Variants in RGS7 observed in about 807,000 individuals in gnomAD.
RGS7 encodes the protein regulator of G-protein signaling 7.
In RGS7, 27 loss-of-function variants were observed where a neutral mutation model predicts 81.1. The observed-to-expected ratio is 0.33, with a 90% confidence interval of 0.25 to 0.46. RGS7 has a LOEUF of 0.46. Among genes scored for constraint, RGS7 ranks in the 20% least tolerant of loss-of-function variants. RGS7 has a pLI of 1.00. For synonymous variants in RGS7, 208 were observed against 207.7 expected, an observed-to-expected ratio of 1.00 and a Z score of -0.01; for missense variants, 396 against 607.4, an observed-to-expected ratio of 0.65 and a Z score of 3.66.
intron 9 of RGS7, among the ~76,000 whole-genome samples, chr1:240,838,454 T>C (rs75394820): frequency 1.4e-3 from 209 of 152,294 alleles, no homozygotes; most frequent in African/African-American, 4.8e-3. Flanking sequence ...AGAAAGGCCA[T>C]AACACATACC....
At chr1:240,971,138 T>C (rs904311239) in intron 4 of RGS7, among the ~76,000 whole-genome samples, 19 of 152,170 alleles carry the variant, frequency 1.2e-4, no homozygotes, top group African/African-American at 4.6e-4. Flanking sequence ...TTAGTGCTTT[T>C]ATAAAAGAGG....
At position 240,930,672 on chromosome 1, in the gene RGS7, C is replaced by G. The variant is rs3912109; in HGVS notation, c.385+45G>C. On this transcript the variant is annotated intron_variant, in intron 6 of 18. Transcript: ENST00000440928. ...TAAAACGCAAGTACACATCCATCTA[C>G]ACATACAGGCTGTCAATAATAAAAT... is the stretch of plus-strand genomic sequence containing the variant. The G allele has an allele frequency of 0.034, 53,368 of 1,554,654 alleles. 7,247 individuals are homozygous for G. The African/African-American group carries it at 0.43, about 12-fold the overall frequency.
At chr1:241,094,639 A>C (rs1309269901) in intron 3 of RGS7, among the ~76,000 whole-genome samples, 1 of 152,226 alleles carries the variant, frequency 6.6e-6, no homozygotes, top group Non-Finnish European at 1.5e-5. Context: ...AAACAAAGAA[A>C]AGTCTTAGAT....
At chr1:241,230,304 C>T (rs1042458609) in intron 2 of RGS7, among the ~76,000 whole-genome samples, 1 of 150,888 alleles carries the variant, frequency 6.6e-6, no homozygotes, top group African/African-American at 2.4e-5. Context: ...AACTCCGCCT[C>T]CCAGGTTCAA....
At chr1:241,025,172 A>T (rs901901541) in intron 3 of RGS7, among the ~76,000 whole-genome samples, 6 of 152,200 alleles carry the variant, frequency 3.9e-5, no homozygotes, top group African/African-American at 1.4e-4. Context: ...GCAAACAAGG[A>T]GTTGAGGATA....
intron 3 of RGS7, among the ~76,000 whole-genome samples, chr1:241,034,517 T>G (rs1399549280): frequency 6.6e-6 from 1 of 152,230 alleles, no homozygotes; most frequent in South Asian, 2.1e-4. Context: ...TACCTGTAAA[T>G]AAAAGGTAAC....
intron 18 of RGS7, among the ~76,000 whole-genome samples, chr1:240,790,446 C>T (rs1306583335): frequency 1.3e-5 from 2 of 152,102 alleles, no homozygotes; most frequent in Admixed American, 1.3e-4. Context: ...CAGGCACAAG[C>T]CACTGTGCCC....
At position 240,872,052 on chromosome 1, in the gene RGS7, T is replaced by C. The variant is rs149802262; in HGVS notation, c.386-1933A>G. ...ATGATTTTATTTTTTACATGACTGC[T>C]CACAAAGACATTATGTATCTTGTAA... is the stretch of plus-strand genomic sequence containing the variant. On this transcript the variant is annotated intron_variant, in intron 6 of 18. Coordinates refer to ENST00000440928, the MANE Select transcript of RGS7 (RefSeq NM_001364886.1). Among the ~76,000 whole-genome samples the C allele has an allele frequency of 3.6e-3, 544 of 152,268 alleles. 4 individuals carry two copies. Among genetic ancestry groups the C allele is most frequent in the African/African-American group, 0.013 (526 of 41,556 alleles).
At chr1:240,991,762 C>T (rs1038336016) in intron 3 of RGS7, among the ~76,000 whole-genome samples, 2 of 152,110 alleles carry the variant, frequency 1.3e-5, no homozygotes, top group African/African-American at 4.8e-5. Flanking sequence ...AATTTTGGGT[C>T]AGCTACCATA....
At chr1:240,884,770 T>A (rs375509085) in intron 6 of RGS7, among the ~76,000 whole-genome samples, 2 of 152,158 alleles carry the variant, frequency 1.3e-5, no homozygotes, top group African/African-American at 4.8e-5. Flanking sequence ...ATGGATTAAA[T>A]ACTTAAATGT....
rs1553320967 is a variant in RGS7, at chr1:241,327,147, G to GAAAAGAAAAGA, written c.78+28551_78+28552insTCTTTTCTTTT. Among the ~76,000 whole-genome samples, 415 of 74,434 alleles carry GAAAAGAAAAGA rather than the reference G, an allele frequency of 5.6e-3. 26 individuals carry two copies. Among genetic ancestry groups the GAAAAGAAAAGA allele is most frequent in the East Asian group, 0.01 (25 of 2,410 alleles). 48.8% of individuals were successfully genotyped at this position (74,434 alleles called of 152,430 possible). ...GAAAGAAAGAAAGAAAGAAAGAAAG[G>GAAAAGAAAAGA]AAAGAAAGAAAGAAAGAAACACACA... On this transcript the variant is annotated intron_variant, in intron 2 of 18. Coordinates refer to ENST00000440928, the MANE Select transcript of RGS7 (RefSeq NM_001364886.1).
chr1:241,169,534 G>A (rs1322215745), intron 2 of RGS7, among the ~76,000 whole-genome samples: 2 of 151,544 alleles, frequency 1.3e-5, no homozygotes, highest in South Asian at 2.1e-4. Context: ...TAGTAGAGAC[G>A]GGGTTTCACC....
At chr1:241,072,560 T>A (rs2062537471) in intron 3 of RGS7, among the ~76,000 whole-genome samples, 1 of 152,150 alleles carries the variant, frequency 6.6e-6, no homozygotes, top group Non-Finnish European at 1.5e-5. Flanking sequence ...AGTATGAAAT[T>A]GACTTCTCAA....
At chr1:241,291,938 G>C (rs1254229252) in intron 2 of RGS7, among the ~76,000 whole-genome samples, 1 of 152,112 alleles carries the variant, frequency 6.6e-6, no homozygotes, top group Non-Finnish European at 1.5e-5. Context: ...CACCGAACAA[G>C]CCAGAAACTG....
intron 2 of RGS7, among the ~76,000 whole-genome samples, chr1:241,213,454 T>G (rs1186478766): frequency 1.3e-5 from 2 of 152,178 alleles, no homozygotes; most frequent in East Asian, 3.9e-4. Context: ...GCCTAAGAAC[T>G]AGTCAGCATC....
intron 3 of RGS7, among the ~76,000 whole-genome samples, chr1:241,062,099 A>G (rs114940379): frequency 4.7e-4 from 72 of 152,344 alleles, no homozygotes; most frequent in African/African-American, 1.7e-3. Context: ...CTTATTCAAA[A>G]GTGATCTTCT....
rs142200566 is a variant in RGS7, at chr1:240,820,379, T to C, written c.685-3964A>G. 6.8e-3 allele frequency among the ~76,000 whole-genome samples: 1,030 copies of C among 152,270 alleles called. 17 individuals are homozygous for C. The highest frequency in any genetic ancestry group is 0.023 in the African/African-American group (952 of 41,550). On this transcript the variant is annotated intron_variant, in intron 10 of 18. Coordinates refer to ENST00000440928, the MANE Select transcript of RGS7 (RefSeq NM_001364886.1). ...CCATCTATTTATTCATTAAATAAAATAGATTCGGCCTCCTACATAAATCTG... is the reference window on the plus strand; with the variant it reads ...CCATCTATTTATTCATTAAATAAAACAGATTCGGCCTCCTACATAAATCTG...
chr1:241,141,302 T>C (rs1208267182), intron 2 of RGS7, among the ~76,000 whole-genome samples: 1 of 152,142 alleles, frequency 6.6e-6, no homozygotes, highest in African/African-American at 2.4e-5. Context: ...CAAATCTGCC[T>C]AGCCAAGCCA....
rs549021708 is a variant in RGS7, at chr1:241,193,233, A to T, written c.79-94471T>A. ...TGAATCATTTGTCCTCCCTAAGCCC[A>T]TAATCACATGGCTAAGCCAAGAATT... On this transcript the variant is annotated intron_variant, in intron 2 of 18. Transcript: ENST00000440928. Among the ~76,000 whole-genome samples the T allele has an allele frequency of 5.3e-5, 8 of 152,346 alleles. No individual in the cohort carries two copies. The South Asian group carries it at 1.7e-3, about 32-fold the overall frequency.
Sources: allele counts gnomAD v4.1 joint callset (sites outside exome capture counted in the v4.1 genomes callset), GRCh38; gene constraint gnomAD v4.1.1; transcripts MANE v1.5; gene names NCBI Gene and HGNC (gene_info 2026-07-23, HGNC 2026-07-21).